Variants in COL23A1 observed in about 807,000 individuals in gnomAD.
COL23A1 encodes the protein collagen type XXIII alpha 1 chain.
COL23A1 carries 97 observed loss-of-function variants against 99.3 expected under a neutral mutation model. The ratio of observed to expected loss-of-function variants is 0.98; its 90% CI spans 0.83 to 1.16. COL23A1 has a LOEUF of 1.16. Ranked by LOEUF, COL23A1 falls within the 50% of genes most tolerant of loss-of-function variation. The pLI is 0.00. For synonymous variants in COL23A1, 320 were observed against 308.2 expected (o/e 1.04, Z -0.40); for missense variants, 762 against 757.4 (o/e 1.01, Z -0.07).
chr5:178,295,931 G>T (rs80293348), intron 3 of COL23A1, among the ~76,000 whole-genome samples: 3 of 152,232 alleles, frequency 2.0e-5, no homozygotes, highest in East Asian at 3.9e-4. Flanking sequence ...GTGGGTGCAA[G>T]GAAGTGGTCA....
intron 2 of COL23A1, among the ~76,000 whole-genome samples, chr5:178,500,436 AAAAAAAAAAAT>A (rs953801813): frequency 6.6e-6 from 1 of 150,590 alleles, no homozygotes; most frequent in Non-Finnish European, 1.5e-5. Context: ...AAAAAAAAAA[AAAAAAAAAAAT>A]GGTTTTAATT....
At chr5:178,273,557 G>A (rs1482498085) in intron 5 of COL23A1, among the ~76,000 whole-genome samples, 2 of 152,204 alleles carry the variant, frequency 1.3e-5, no homozygotes, top group Admixed American at 1.3e-4. Flanking sequence ...GTGCTCCCGG[G>A]AGCCCCCACC....
At chr5:178,248,579 C>T (rs1691984220) in intron 19 of COL23A1, among the ~76,000 whole-genome samples, 1 of 152,122 alleles carries the variant, frequency 6.6e-6, no homozygotes, top group South Asian at 2.1e-4. Context: ...TGGAAGTGTC[C>T]CAGTGGTGGC....
intron 2 of COL23A1, among the ~76,000 whole-genome samples, chr5:178,348,758 G>A (rs1761133674): frequency 6.6e-6 from 1 of 152,164 alleles, no homozygotes; most frequent in African/African-American, 2.4e-5. Context: ...ACTTCCAAGA[G>A]GTCCTGGGTC....
intron 3 of COL23A1, among the ~76,000 whole-genome samples, chr5:178,292,372 C>T (rs1757506827): frequency 6.6e-6 from 1 of 152,220 alleles, no homozygotes; most frequent in Admixed American, 6.5e-5. Flanking sequence ...TCACACTTGC[C>T]CTCTCATGCA....
intron 25 of COL23A1, among the ~76,000 whole-genome samples, chr5:178,244,635 T>C (rs1257273928): frequency 2.0e-5 from 3 of 152,220 alleles, no homozygotes; most frequent in African/African-American, 7.2e-5. Context: ...GGAACTTGAT[T>C]TCCACAGGGA....
At position 178,267,338 on chromosome 5, in the gene COL23A1, G is replaced by C. The variant is rs765710251; in HGVS notation, c.496-5C>G. On this transcript the variant is annotated splice_polypyrimidine_tract_variant and splice_region_variant and intron_variant, in intron 7 of 28. Transcript: ENST00000390654. Reference sequence around the variant, plus strand: ...GCCAAAGTCTCCTGGTGCACCCTGGGAACAAAAGACAGGGAGAGGCATCAC... The same window carrying C: ...GCCAAAGTCTCCTGGTGCACCCTGGCAACAAAAGACAGGGAGAGGCATCAC... The C allele has an allele frequency of 6.2e-7, 1 of 1,613,718 alleles. No homozygotes were observed. The highest frequency in any genetic ancestry group is 2.2e-5 in the East Asian group (1 of 44,864).
intron 3 of COL23A1, among the ~76,000 whole-genome samples, chr5:178,305,340 G>C (rs1013962428): frequency 6.6e-6 from 1 of 151,902 alleles, no homozygotes; most frequent in African/African-American, 2.4e-5. Context: ...GAGGCAGAAA[G>C]CCTGCGCCCA....
intron 2 of COL23A1, among the ~76,000 whole-genome samples, chr5:178,427,367 T>C (rs1273108208): frequency 6.6e-6 from 1 of 152,218 alleles, no homozygotes; most frequent in Non-Finnish European, 1.5e-5. Context: ...TAGCAGTTTC[T>C]TACAAAACTA....
At chr5:178,311,481 CCT>C (rs1158177164) in intron 2 of COL23A1, among the ~76,000 whole-genome samples, 5 of 115,794 alleles carry the variant, frequency 4.3e-5, no homozygotes, top group Admixed American at 8.9e-5. Flanking sequence ...TGGGTTCTTT[CCT>C]CTGTGTGTGT....
chr5:178,280,581 G>C lies in COL23A1; in HGVS notation c.441+7743C>G, dbSNP rs1756843315. On this transcript the variant is annotated intron_variant, in intron 5 of 28. Transcript: ENST00000390654. This position sits in a 1 kb window ranked among gnomAD's most constrained non-coding sequence, Gnocchi z 4.9. ...TTTAGTCTATTTGCTTCGAAGACCT[G>C]GGCTTGGCTCGGTGACTTTGTGCAG... is the stretch of plus-strand genomic sequence containing the variant. 6.6e-6 allele frequency among the ~76,000 whole-genome samples: 1 copy of C among 152,130 alleles called. No homozygotes were observed. Among genetic ancestry groups the C allele is most frequent in the Non-Finnish European group, 1.5e-5 (1 of 68,016 alleles).
At chr5:178,338,365 A>T (rs75911443) in intron 2 of COL23A1, among the ~76,000 whole-genome samples, 4,838 of 152,306 alleles carry the variant, frequency 0.032, 74 homozygotes, top group African/African-American at 0.047. Flanking sequence ...CTCAGAATGA[A>T]GCCCCAGGGA....
At chr5:178,436,349 A>T (rs1457987413) in intron 2 of COL23A1, among the ~76,000 whole-genome samples, 2 of 146,090 alleles carry the variant, frequency 1.4e-5, no homozygotes, top group Non-Finnish European at 3.0e-5. Context: ...GCCGGTGTCC[A>T]GGTCAGCGGT....
chr5:178,359,971 G>A (rs867439897), intron 2 of COL23A1, among the ~76,000 whole-genome samples: 2 of 152,196 alleles, frequency 1.3e-5, no homozygotes, highest in African/African-American at 2.4e-5. Context: ...GTGAGCTTAC[G>A]GGAGCGGAAA....
chr5:178,469,699 C>G (rs1366866680), intron 2 of COL23A1, among the ~76,000 whole-genome samples: 1 of 152,114 alleles, frequency 6.6e-6, no homozygotes, highest in Non-Finnish European at 1.5e-5. Context: ...CTTCAGAGAG[C>G]CCCCGTCCTG....
chr5:178,470,278 T>C (rs1276784060), intron 2 of COL23A1, among the ~76,000 whole-genome samples: 1 of 152,224 alleles, frequency 6.6e-6, no homozygotes, highest in Non-Finnish European at 1.5e-5. Flanking sequence ...CCGTGAGCTC[T>C]TGACTCCACC....
chr5:178,345,243 T>C (rs1760895380), intron 2 of COL23A1: 2 of 817,804 alleles, frequency 2.4e-6, no homozygotes, highest in Admixed American at 1.9e-5. Flanking sequence ...AATGTCCCTA[T>C]TCAAGACAGA....
intron 2 of COL23A1, among the ~76,000 whole-genome samples, chr5:178,357,665 G>A (rs1761735743): frequency 6.6e-6 from 1 of 152,202 alleles, no homozygotes; most frequent in Non-Finnish European, 1.5e-5. Flanking sequence ...CCCATCAGCT[G>A]AAATTTTCAG....
intron 2 of COL23A1, among the ~76,000 whole-genome samples, chr5:178,358,375 T>C (rs1307238493): frequency 6.6e-6 from 1 of 151,482 alleles, no homozygotes; most frequent in Non-Finnish European, 1.5e-5. Context: ...TGTACGTGTG[T>C]ATGTCTAATG....
Sources: gnomAD v4.1 joint callset for allele counts (sites outside exome capture counted in the v4.1 genomes callset) on GRCh38, gnomAD v4.1.1 for gene constraint, Gnocchi (gnomAD v3.1) non-coding constraint, MANE v1.5 for transcripts, NCBI Gene and HGNC (gene_info 2026-07-23, HGNC 2026-07-21) for gene names.